PDE1C: variants seen among roughly 807,000 people sequenced by gnomAD.
The protein encoded by PDE1C is dual specificity calcium/calmodulin-dependent 3',5'-cyclic nucleotide phosphodiesterase 1C.
In PDE1C, 62 loss-of-function variants were observed where a neutral mutation model predicts 93.1. That is an observed-to-expected ratio of 0.67 (90% confidence interval 0.54 to 0.82). The LOEUF (loss-of-function observed/expected upper bound fraction) is 0.82. Among genes scored for constraint, PDE1C ranks in the 40% least tolerant of loss-of-function variants. The pLI, the probability that PDE1C is intolerant of heterozygous loss-of-function variation, is 0.00. For missense variants in PDE1C, 742 were observed against 884.6 expected (o/e 0.84, Z 2.04); for synonymous variants, 325 against 310.1 (o/e 1.05, Z -0.50).
intron 1 of PDE1C, among the ~76,000 whole-genome samples, chr7:32,297,620 C>T (rs1013753922): frequency 6.6e-6 from 1 of 152,172 alleles, no homozygotes; most frequent in Non-Finnish European, 1.5e-5. Flanking sequence ...AATGCTAGGC[C>T]TCCAGAGGGT....
chr7:32,253,710 A>G (rs1809562337), intron 1 of PDE1C, among the ~76,000 whole-genome samples: 1 of 152,234 alleles, frequency 6.6e-6, no homozygotes, highest in Non-Finnish European at 1.5e-5. Context: ...TATGGAGGTT[A>G]CAGACATGGG....
chr7:31,804,829 G>A (rs888072486), intron 16 of PDE1C, among the ~76,000 whole-genome samples: 1 of 151,786 alleles, frequency 6.6e-6, no homozygotes, highest in Non-Finnish European at 1.5e-5. Context: ...TAAGTGACAG[G>A]TGGGTAGTAA....
chr7:32,169,347 G>A (rs370542036), intron 3 of PDE1C, among the ~76,000 whole-genome samples: 40 of 152,152 alleles, frequency 2.6e-4, no homozygotes, highest in Middle Eastern at 3.2e-3. Context: ...CTTCATTTCC[G>A]TCAGCAGCAG....
chr7:31,617,755 A>C, the PDE1C span, among the ~76,000 whole-genome samples: 9 of 152,308 alleles, frequency 5.9e-5, no homozygotes, highest in African/African-American at 1.9e-4. Context: ...AAATGAGTTC[A>C]ATGAGTTTGG....
the PDE1C span, among the ~76,000 whole-genome samples, chr7:31,671,312 C>A: frequency 6.6e-6 from 1 of 152,072 alleles, no homozygotes; most frequent in Admixed American, 6.5e-5. Flanking sequence ...CTGATGGCAC[C>A]CAAAAGTGCT....
intron 9 of PDE1C, among the ~76,000 whole-genome samples, chr7:31,845,046 T>G (rs963241067): frequency 2.6e-5 from 4 of 152,150 alleles, no homozygotes; most frequent in Non-Finnish European, 5.9e-5. Context: ...CAAAATAATA[T>G]TTTTGAAACT....
chr7:31,847,659 C>T (rs1465541592), intron 9 of PDE1C, among the ~76,000 whole-genome samples: 1 of 152,040 alleles, frequency 6.6e-6, no homozygotes, highest in African/African-American at 2.4e-5. Context: ...TTATTTGACT[C>T]AAACTGGTTT....
At chr7:32,411,866 CTATTTTCATTTCTAAAA>C (rs1785177965) in intron 1 of PDE1C, among the ~76,000 whole-genome samples, 1 of 151,858 alleles carries the variant, frequency 6.6e-6, no homozygotes, top group South Asian at 2.1e-4. Context: ...ATTCTATAAG[CTATTTTCATTTCTAAAA>C]TATTTTAATT....
chr7:32,024,417 G>GTA (rs931646180), intron 2 of PDE1C, among the ~76,000 whole-genome samples: 1 of 151,676 alleles, frequency 6.6e-6, no homozygotes, highest in African/African-American at 2.4e-5. Flanking sequence ...GTGTGTGTGT[G>GTA]TGTATGTATA....
chr7:31,717,517 G>C, the PDE1C span, among the ~76,000 whole-genome samples: 9 of 152,174 alleles, frequency 5.9e-5, no homozygotes, highest in African/African-American at 2.2e-4. Flanking sequence ...TCAGTGGACA[G>C]AGAATCCAGA....
the PDE1C span, chr7:31,643,077 G>C: frequency 1.2e-6 from 2 of 1,613,980 alleles, no homozygotes; most frequent in Non-Finnish European, 1.7e-6. Context: ...TGGGGTTTAT[G>C]GTAACCCACG....
chr7:32,344,396 T>TA (rs1305929222), intron 1 of PDE1C, among the ~76,000 whole-genome samples: 1 of 152,164 alleles, frequency 6.6e-6, no homozygotes, highest in Non-Finnish European at 1.5e-5. Flanking sequence ...ATATGAGAAC[T>TA]AAAAAACTTA....
At chr7:32,349,821 G>C (rs1413391726) in intron 1 of PDE1C, among the ~76,000 whole-genome samples, 2 of 152,078 alleles carry the variant, frequency 1.3e-5, no homozygotes, top group Non-Finnish European at 2.9e-5. Context: ...GTAGAGACAG[G>C]GTTTCACCCA....
chr7:31,730,998 A>C, the PDE1C span, among the ~76,000 whole-genome samples: 1 of 152,090 alleles, frequency 6.6e-6, no homozygotes, highest in Non-Finnish European at 1.5e-5. Context: ...AGGAGAGTCA[A>C]ACTAGAAAAT....
intron 2 of PDE1C, among the ~76,000 whole-genome samples, chr7:32,047,531 G>A (rs1316215166): frequency 6.6e-6 from 1 of 152,120 alleles, no homozygotes; most frequent in Non-Finnish European, 1.5e-5. Context: ...ACTGAAATTT[G>A]GTCTTGGAAG....
the PDE1C span, among the ~76,000 whole-genome samples, chr7:31,693,869 C>A: frequency 6.6e-6 from 1 of 152,154 alleles, no homozygotes; most frequent in African/African-American, 2.4e-5. Context: ...CTAAAATATC[C>A]AATTACTCTT....
chr7:32,298,066 C>A (rs1369674604), intron 1 of PDE1C, among the ~76,000 whole-genome samples: 1 of 47,362 alleles, frequency 2.1e-5, no homozygotes, highest in African/African-American at 9.3e-5. Flanking sequence ...CTCTCTCTCC[C>A]CTCTCTCTCT....
At chr7:32,378,854 C>T (rs6953542) in intron 1 of PDE1C, among the ~76,000 whole-genome samples, 24,736 of 152,142 alleles carry the variant, frequency 0.16, 2,832 homozygotes, top group African/African-American at 0.32. Context: ...TGAGTAATAA[C>T]TTCATCTCCT....
At chr7:31,656,065 C>G in the PDE1C span, 1 of 953,754 alleles carries the variant, frequency 1.0e-6, no homozygotes, top group Non-Finnish European at 1.2e-6. Flanking sequence ...CCATCTCCTA[C>G]ACAGGCTTTC....
Sources: gnomAD v4.1 joint callset for allele counts (sites outside exome capture counted in the v4.1 genomes callset) on GRCh38, gnomAD v4.1.1 for gene constraint, MANE v1.5 for transcripts, NCBI Gene and HGNC (gene_info 2026-07-23, HGNC 2026-07-21) for gene names.